The following ECRG4 variants were observed in gnomAD, a reference collection of about 807,000 sequenced individuals.
ECRG4 encodes augurin.
In ECRG4, 18 loss-of-function variants were observed where a neutral mutation model predicts 15.8. That is an observed-to-expected ratio of 1.14 (90% CI 0.79 to 1.69). The LOEUF is 1.69. ECRG4 is among the 40% of genes most tolerant of loss of function. ECRG4 has a pLI of 0.00. For synonymous variants in ECRG4, 82 were observed against 73.9 expected (o/e 1.11, Z -0.56); for missense variants, 200 against 190.9 (o/e 1.05, Z -0.28).
chr2:106,064,408 T>G (rs1676159002), upstream of ECRG4: 1 of 152,362 alleles, frequency 6.6e-6, no homozygotes, highest in African/African-American at 2.4e-5. Flanking sequence ...GCCGGTGTGG[T>G]GGCTCACACC....
chr2:106,069,124 C>CTTTCTCTTTCTTTCTTT lies in ECRG4; in HGVS notation c.80-2720_80-2719insTTTCTCTTTCTTTCTTT, dbSNP rs1558655667. On this transcript the variant is annotated intron_variant, in intron 1 of 3. Coordinates refer to ENST00000238044, the MANE Select transcript of ECRG4 (RefSeq NM_032411.3). ...CCTTCCTTCCTTCTTTTTCTTTCTT[C>CTTTCTCTTTCTTTCTTT]CTTTCTCTTTCTTTCTTTCTTTCTT... Among the ~76,000 whole-genome samples the CTTTCTCTTTCTTTCTTT allele has an allele frequency of 5.7e-4, 78 of 136,730 alleles. 2 individuals carry two copies. The highest frequency in any genetic ancestry group is 5.4e-4 in the Non-Finnish European group (33 of 61,624). The allele number at this position is 136,730 out of a possible 152,430, so 89.7% of individuals were successfully genotyped here.
upstream of ECRG4, among the ~76,000 whole-genome samples, chr2:106,065,487 T>TC (rs898316214): frequency 2.4e-4 from 37 of 151,422 alleles, no homozygotes; most frequent in African/African-American, 7.3e-4. Flanking sequence ...CCGGCGGTTC[T>TC]CCGTGGCCAA....
intron 1 of ECRG4, among the ~76,000 whole-genome samples, chr2:106,068,916 T>C (rs1270927242): frequency 6.6e-6 from 1 of 152,222 alleles, no homozygotes; most frequent in Non-Finnish European, 1.5e-5. Flanking sequence ...AGTGCTCATC[T>C]ATGTTTATTT....
At chr2:106,065,049 G>C (rs1676173727), upstream of ECRG4, among the ~76,000 whole-genome samples, 1 of 152,084 alleles carries the variant, frequency 6.6e-6, no homozygotes, top group Non-Finnish European at 1.5e-5. Context: ...TTTCTCAAAG[G>C]CTTTTCTATT....
upstream of ECRG4, chr2:106,065,595 C>G: frequency 2.3e-6 from 1 of 443,592 alleles, no homozygotes; most frequent in Non-Finnish European, 3.9e-6. Context: ...GGCGCAGCCG[C>G]TTGGCCCTCA....
upstream of ECRG4, chr2:106,064,197 T>C (rs1291245979): frequency 6.6e-6 from 1 of 151,476 alleles, no homozygotes; most frequent in Non-Finnish European, 1.5e-5. Flanking sequence ...TCTGATTCTC[T>C]CTGACACCCT....
In ECRG4 at chr2:106,072,092, T is replaced by A. The variant is rs1676382784; in HGVS notation, c.127+201T>A. 8 of 519,780 alleles carry A rather than the reference T, an allele frequency of 1.5e-5. No individual in the cohort carries two copies. In the South Asian group the frequency reaches 2.5e-4, roughly 16 times the overall value. The allele number at this position is 519,780 out of a possible 1,614,324, so 32.2% of individuals were successfully genotyped here. A position where few individuals can be genotyped will look rare whatever the true frequency, so the allele number is the denominator to read the frequency against. On this transcript the variant is annotated intron_variant, in intron 2 of 3. Coordinates refer to ENST00000238044, the MANE Select transcript of ECRG4 (RefSeq NM_032411.3). ...ATAAATATTATTGCCAGTAAATGTCTGAAGGTTATTTTTCTGAAACCTGTC... is the reference window on the plus strand; with the variant it reads ...ATAAATATTATTGCCAGTAAATGTCAGAAGGTTATTTTTCTGAAACCTGTC...
In ECRG4 at chr2:106,074,794, G is replaced by A. The variant is rs111768634; in HGVS notation, c.285+751G>A. Reference sequence around the variant, plus strand: ...CCAGGGAGCAGATGGGCTTTTCATAGGCAGGACCTCCAAATGGGCAGTTGG... The same window carrying A: ...CCAGGGAGCAGATGGGCTTTTCATAAGCAGGACCTCCAAATGGGCAGTTGG... On this transcript the variant is annotated intron_variant, in intron 3 of 3. Coordinates refer to ENST00000238044, the MANE Select transcript of ECRG4 (RefSeq NM_032411.3). Among the ~76,000 whole-genome samples the A allele has an allele frequency of 3.9e-3, 588 of 152,310 alleles. 5 individuals carry two copies. Among genetic ancestry groups the A allele is most frequent in the African/African-American group, 0.013 (550 of 41,582 alleles).
Position 106,077,685 on chromosome 2 carries a change from A to G in ECRG4, c.286-80A>G, listed in dbSNP as rs1270394696. On this transcript the variant is annotated intron_variant, in intron 3 of 3. Coordinates refer to ENST00000238044, the MANE Select transcript of ECRG4 (RefSeq NM_032411.3). ...CGTTGAAGAAAAACCACCATGAAGA[A>G]AAGCCATAGGTAAGATTAGGTCTTA... The G allele has an allele frequency of 4.6e-6, 6 of 1,304,038 alleles. No individual in the cohort carries two copies. In the East Asian group the frequency reaches 1.2e-4, roughly 25 times the overall value. 80.8% of individuals were successfully genotyped at this position (1,304,038 alleles called of 1,614,324 possible).
At chr2:106,072,756 C>T (rs1338202843) in intron 2 of ECRG4, among the ~76,000 whole-genome samples, 1 of 152,158 alleles carries the variant, frequency 6.6e-6, no homozygotes, top group Admixed American at 6.5e-5. Context: ...AAGCCCTGGC[C>T]CACCCCCAAT....
At chr2:106,077,720 A>T (rs1380422944) in intron 3 of ECRG4, 45 bp from the exon 4 acceptor site, 1 of 1,580,800 alleles carries the variant, frequency 6.3e-7, no homozygotes, top group East Asian at 2.2e-5. Flanking sequence ...AGGGGACTGC[A>T]TGACCTTAAA....
rs1392209644 is a variant in ECRG4, at chr2:106,077,921, T to A, written c.442T>A (p.Tyr148Asn). 1.2e-6 allele frequency: 2 copies of A among 1,613,810 alleles called. No individual in the cohort carries two copies. Among genetic ancestry groups the A allele is most frequent in the African/African-American group, 2.7e-5 (2 of 74,916 alleles). The change falls in exon 4 of 4, where the codon TAC (tyrosine) becomes AAC (asparagine). Residue 148 changes from tyrosine to asparagine, a missense_variant. Transcript: ENST00000238044. ...RHGASVNYDD[Y>N] is the part of the protein sequence containing the mutation. ...TGGAGCCAGCGTCAACTACGATGACTACTAACCATGACTTGCCACACGCTG... is the reference window on the plus strand; with the variant it reads ...TGGAGCCAGCGTCAACTACGATGACAACTAACCATGACTTGCCACACGCTG...
At chr2:106,063,740 G>T (rs1390331312), upstream of ECRG4, among the ~76,000 whole-genome samples, 2 of 152,068 alleles carry the variant, frequency 1.3e-5, no homozygotes, top group Admixed American at 1.3e-4. Flanking sequence ...GCACCACCAC[G>T]CCTGGCTAAT....
rs532790057 is a variant in ECRG4 at position 106,077,848 on chromosome 2, T to C, written c.369T>C (p.Tyr123=). ...ATGGCGATTACTACCAACGTCACTATGATGAAGACTCTGCAATTGGTCCCC... is the reference window on the plus strand; with the variant it reads ...ATGGCGATTACTACCAACGTCACTACGATGAAGACTCTGCAATTGGTCCCC... ...EYYGDYYQRH[Y]DEDSAIGPRS... is the part of the protein sequence containing the mutation. The change falls in exon 4 of 4, where the codon TAT becomes TAC. Residue 123 remains tyrosine, a synonymous_variant. Transcript: ENST00000238044. 6.2e-6 allele frequency: 10 copies of C among 1,614,190 alleles called. No individual in the cohort carries two copies. The East Asian group carries it at 2.2e-4, about 36-fold the overall frequency.
chr2:106,065,544 G>A (rs1676189647), upstream of ECRG4: 1 of 381,546 alleles, frequency 2.6e-6, no homozygotes, highest in Admixed American at 4.7e-5. Context: ...CTTGGGGCCG[G>A]GGCGGGAGAG....
chr2:106,064,413 C>T (rs78147073), upstream of ECRG4: 7,406 of 152,302 alleles, frequency 0.049, 237 homozygotes, highest in Non-Finnish European at 0.059. Flanking sequence ...TGTGGTGGCT[C>T]ACACCTGTAA....
At chr2:106,071,965 C>A in intron 2 of ECRG4, 74 bp downstream of exon 2, 1 of 1,292,416 alleles carries the variant, frequency 7.7e-7, no homozygotes, top group Non-Finnish European at 1.1e-6. Flanking sequence ...GGATTGTGCT[C>A]ACTGGAGTCT....
chr2:106,075,089 C>T (rs1451143665), intron 3 of ECRG4, among the ~76,000 whole-genome samples: 1 of 151,858 alleles, frequency 6.6e-6, no homozygotes. Context: ...ATTCTAAGTA[C>T]TTAGAGGTAC....
chr2:106,077,229 C>T (rs900113920), intron 3 of ECRG4, among the ~76,000 whole-genome samples: 3 of 152,252 alleles, frequency 2.0e-5, no homozygotes, highest in Non-Finnish European at 4.4e-5. Context: ...TCTGTGTACA[C>T]TCTAACCAAC....
Sources: gnomAD v4.1 joint callset for allele counts (sites outside exome capture counted in the v4.1 genomes callset) on GRCh38, gnomAD v4.1.1 for gene constraint, MANE v1.5 for transcripts, NCBI Gene and HGNC (gene_info 2026-07-23, HGNC 2026-07-21) for gene names.